ADAM11: variants seen among roughly 807,000 people sequenced by gnomAD.
ADAM11 encodes the protein ADAM metallopeptidase domain 11, also known as disintegrin and metalloproteinase domain-containing protein 11.
A neutral mutation model predicts 119.1 loss-of-function variants in ADAM11; 49 were observed. The observed-to-expected ratio is 0.41, with a 90% CI of 0.33 to 0.52. The LOEUF (loss-of-function observed/expected upper bound fraction) is 0.52. ADAM11 is among the 20% of genes least tolerant of loss of function. The pLI, the probability that ADAM11 is intolerant of heterozygous loss-of-function variation, is 0.20. For missense variants in ADAM11, 777 were observed against 1,047.5 expected, an observed-to-expected ratio of 0.74 and a Z score of 3.56; for synonymous variants, 364 against 408.0, an observed-to-expected ratio of 0.89 and a Z score of 1.30.
At chr17:44,779,390 G>A in intron 26 of ADAM11, 151 bp downstream of exon 26, 1 of 1,454,354 alleles carries the variant, frequency 6.9e-7, no homozygotes, top group Non-Finnish European at 9.0e-7. Flanking sequence ...TGTCCCGGCA[G>A]GGGTGGGAGA....
rs1251685108 is a variant in ADAM11 at position 44,775,444 on chromosome 17, G to A, written c.1371G>A (p.Glu457=). 1.9e-6 allele frequency: 3 copies of A among 1,609,314 alleles called. No homozygotes were observed. The highest frequency in any genetic ancestry group is 2.2e-5 in the South Asian group (2 of 91,016). ...ACGGCTTCGTGGAGGCAGGGGAGGAGTGCGACTGCGGCTCGGTGCAGGTGA... is the reference window on the plus strand; with the variant it reads ...ACGGCTTCGTGGAGGCAGGGGAGGAATGCGACTGCGGCTCGGTGCAGGTGA... ...CGNGFVEAGE[E]CDCGSVQECS... Residue 457 remains glutamate, a synonymous_variant, in exon 16 of 27, where the codon GAG becomes GAA. Coordinates refer to ENST00000200557, the MANE Select transcript of ADAM11 (RefSeq NM_002390.6). The surrounding 1 kb of genome is among the most constrained non-coding windows in gnomAD (Gnocchi z 7.5).
intron 11 of ADAM11, among the ~76,000 whole-genome samples, chr17:44,774,008 T>C (rs1315730335): frequency 6.6e-6 from 1 of 152,066 alleles, no homozygotes; most frequent in Non-Finnish European, 1.5e-5. Context: ...GGAGAATCGT[T>C]TGAACCCAGG....
chr17:44,775,106 T>A lies in ADAM11; in HGVS notation c.1221-106T>A. 1.0e-6 allele frequency: 1 copy of A among 979,566 alleles called. No individual in the cohort carries two copies. The highest frequency in any genetic ancestry group is 1.6e-6 in the Non-Finnish European group (1 of 633,382). 60.7% of individuals were successfully genotyped at this position (979,566 alleles called of 1,614,324 possible). Reference sequence around the variant, plus strand: ...ATCCCGGGGCAGATCCTCCGCCTCCTCGCGATGGTGACGAAGTCCCCCAGT... The same window carrying A: ...ATCCCGGGGCAGATCCTCCGCCTCCACGCGATGGTGACGAAGTCCCCCAGT... On this transcript the variant is annotated intron_variant, in intron 14 of 26. Transcript: ENST00000200557. The surrounding 1 kb of genome is among the most constrained non-coding windows in gnomAD (Gnocchi z 7.5).
rs115115313 is a variant in ADAM11, at chr17:44,775,081, A to G, written c.1221-131A>G. The G allele has an allele frequency of 1.1e-3, 879 of 834,188 alleles. 9 individuals carry two copies. The African/African-American group carries it at 0.013, about 12-fold the overall frequency. The allele number at this position is 834,188 out of a possible 1,614,324, so 51.7% of individuals were successfully genotyped here. On this transcript the variant is annotated intron_variant, in intron 14 of 26. Transcript: ENST00000200557. This position sits in a 1 kb window ranked among gnomAD's most constrained non-coding sequence, Gnocchi z 7.5. ...GGACAGGCGGGAGGATTCTGGTGCA[A>G]TCCCGGGGCAGATCCTCCGCCTCCT...
Position 44,776,041 on chromosome 17 carries a change from G to A in ADAM11, c.1486-86G>A. ...CTGGGGAGCTGGAGGGCCCGGGGAT[G>A]TGGGGGTCCAGAGAGCGAGGGGCCT... On this transcript the variant is annotated intron_variant, in intron 17 of 26. Coordinates refer to ENST00000200557, the MANE Select transcript of ADAM11 (RefSeq NM_002390.6). The surrounding 1 kb of genome is among the most constrained non-coding windows in gnomAD (Gnocchi z 5.2). 1 of 1,496,692 alleles carries A rather than the reference G, an allele frequency of 6.7e-7. No individual in the cohort carries two copies. Among genetic ancestry groups the A allele is most frequent in the East Asian group, 2.3e-5 (1 of 43,946 alleles). 92.7% of individuals were successfully genotyped at this position (1,496,692 alleles called of 1,614,324 possible).
Position 44,776,065 on chromosome 17 carries a change from C to T in ADAM11, c.1486-62C>T, listed in dbSNP as rs1245766550. On this transcript the variant is annotated intron_variant, in intron 17 of 26. Coordinates refer to ENST00000200557, the MANE Select transcript of ADAM11 (RefSeq NM_002390.6). The surrounding 1 kb of genome is among the most constrained non-coding windows in gnomAD (Gnocchi z 5.2). ...TGTGGGGGTCCAGAGAGCGAGGGGC[C>T]TGGGGAGGGCAGGGCCGAGGCATCC... 3 of 1,589,704 alleles carry T rather than the reference C, an allele frequency of 1.9e-6. No individual in the cohort carries two copies. Among genetic ancestry groups the T allele is most frequent in the Non-Finnish European group, 2.6e-6 (3 of 1,161,164 alleles).
At position 44,780,117 on chromosome 17, in the gene ADAM11, C is replaced by G. The variant is rs1210132090; in HGVS notation, c.*363C>G. On this transcript the variant is annotated 3_prime_UTR_variant, in exon 27 of 27. Transcript: ENST00000200557. ...GTGGACCTAGCCTGGATGGCCCCTC[C>G]TTGCAACCAGGCAGCTGAGACCAGG... is the stretch of plus-strand genomic sequence containing the variant. 3.2e-6 allele frequency: 2 copies of G among 620,892 alleles called. No homozygotes were observed. The highest frequency in any genetic ancestry group is 3.0e-6 in the Non-Finnish European group (1 of 331,944). 38.5% of individuals were successfully genotyped at this position (620,892 alleles called of 1,614,324 possible).
chr17:44,765,608 C>CTAT lies in ADAM11; in HGVS notation c.238-4109_238-4108insATT, dbSNP rs2049439006. Among the ~76,000 whole-genome samples the CTAT allele has an allele frequency of 3.5e-5, 3 of 86,784 alleles. 1 individual carries two copies. The South Asian group carries it at 1.1e-3, about 33-fold the overall frequency. 56.9% of individuals were successfully genotyped at this position (86,784 alleles called of 152,430 possible). On this transcript the variant is annotated intron_variant, in intron 2 of 26. Transcript: ENST00000200557. The stretch of plus-strand genomic sequence containing the variant: ...GCAATCCTGGTTTTTCTTTTCTTTT[C>CTAT]TCTTTTTTTTTTTTTTTTTTTTTTT...
At position 44,781,457 on chromosome 17, in the gene ADAM11, A is replaced by G. The variant is rs948789063; in HGVS notation, c.*1703A>G. The G allele has an allele frequency of 2.0e-5, 3 of 152,152 alleles. No individual in the cohort carries two copies. Among genetic ancestry groups the G allele is most frequent in the Admixed American group, 6.5e-5 (1 of 15,286 alleles). 9.4% of individuals were successfully genotyped at this position (152,152 alleles called of 1,614,324 possible). ...CGGGGGAAGGGCTGGGTGTTGCACT[A>G]TTGCTGCGCTGCCTTAAGGCATCTG... On this transcript the variant is annotated 3_prime_UTR_variant, in exon 27 of 27. Transcript: ENST00000200557.
chr17:44,770,114 G>A, intron 4 of ADAM11, 66 bp downstream of exon 4: 1 of 1,575,820 alleles, frequency 6.3e-7, no homozygotes. Context: ...TGGTTCTGTG[G>A]TCACAGGTGT....
At chr17:44,774,615 C>A (rs1445520549) in intron 13 of ADAM11, 33 bp downstream of exon 13, 5 of 1,605,512 alleles carry the variant, frequency 3.1e-6, no homozygotes, top group African/African-American at 1.3e-5. Flanking sequence ...GTGTGGCCCA[C>A]GCCCAGCAGC....
chr17:44,773,074 C>A lies in ADAM11; in HGVS notation c.814C>A (p.Leu272Met). Reference sequence around the variant, plus strand: ...CAACTTTGCCAAGTCCGTGGTGAACCTGGCCGATGTGGTAAGCAGCTCTCC... The same window carrying A: ...CAACTTTGCCAAGTCCGTGGTGAACATGGCCGATGTGGTAAGCAGCTCTCC... ...TSNFAKSVVN[L>M]ADVIYKEQLN... The change falls in exon 10 of 27, where the codon CTG becomes ATG. Residue 272 changes from leucine (L) to methionine (M), a missense_variant. Physicochemically the swap from Leu to Met is conservative, Grantham distance 15. This residue lies in a region of ADAM11 where 147 missense variants were observed against 223.3 expected (regional missense o/e 0.66). Coordinates refer to ENST00000200557, the MANE Select transcript of ADAM11 (RefSeq NM_002390.6). This position sits in a 1 kb window ranked among gnomAD's most constrained non-coding sequence, Gnocchi z 4.6. 1 of 1,613,824 alleles carries A rather than the reference C, an allele frequency of 6.2e-7. No homozygotes were observed. Among genetic ancestry groups the A allele is most frequent in the Non-Finnish European group, 8.5e-7 (1 of 1,179,916 alleles).
intron 2 of ADAM11, among the ~76,000 whole-genome samples, chr17:44,761,026 G>A (rs2145202064): frequency 6.6e-6 from 1 of 151,708 alleles, no homozygotes; most frequent in East Asian, 1.9e-4. Context: ...GCAGTCACTG[G>A]GGGTGGGGTG....
At position 44,773,554 on chromosome 17, in the gene ADAM11, C is replaced by A; in HGVS notation, c.992+127C>A. ...GGGGACTGGGCTCACCTTGCACCTG[C>A]CACCTACCCCCAGCCACATGCAACA... On this transcript the variant is annotated intron_variant, in intron 11 of 26. Transcript: ENST00000200557. This position sits in a 1 kb window ranked among gnomAD's most constrained non-coding sequence, Gnocchi z 4.6. The A allele has an allele frequency of 8.8e-7, 1 of 1,133,182 alleles. No homozygotes were observed. The highest frequency in any genetic ancestry group is 1.2e-6 in the Non-Finnish European group (1 of 817,188). The allele number at this position is 1,133,182 out of a possible 1,614,324, so 70.2% of individuals were successfully genotyped here.
chr17:44,772,540 C>A lies in ADAM11; in HGVS notation c.678+74C>A. On this transcript the variant is annotated intron_variant, in intron 8 of 26. Coordinates refer to ENST00000200557, the MANE Select transcript of ADAM11 (RefSeq NM_002390.6). This position sits in a 1 kb window ranked among gnomAD's most constrained non-coding sequence, Gnocchi z 4.5. ...AGAGACCTCAGGCCGTGGCCCAGAG[C>A]AGGAGGGCACCCTCATCTATGGCTG... 6.7e-7 allele frequency: 1 copy of A among 1,498,558 alleles called. No homozygotes were observed. Among genetic ancestry groups the A allele is most frequent in the Non-Finnish European group, 9.0e-7 (1 of 1,108,016 alleles). 92.8% of individuals were successfully genotyped at this position (1,498,558 alleles called of 1,614,324 possible). A position where few individuals can be genotyped will look rare whatever the true frequency, so the allele number is the denominator to read the frequency against.
chr17:44,759,597 C>A, intron 1 of ADAM11, 125 bp from the exon 2 acceptor site: 2 of 1,302,616 alleles, frequency 1.5e-6, no homozygotes, highest in Non-Finnish European at 9.8e-7. Flanking sequence ...CCAGATCCTC[C>A]CACCCGGATC....
intron 4 of ADAM11, 77 bp downstream of exon 4, chr17:44,770,125 A>G: frequency 6.5e-7 from 1 of 1,540,598 alleles, no homozygotes. Flanking sequence ...TCACAGGTGT[A>G]GGGACAGGTG....
At chr17:44,759,333 A>C in intron 1 of ADAM11, 73 bp downstream of exon 1, 52 of 1,325,238 alleles carry the variant, frequency 3.9e-5, no homozygotes, top group Non-Finnish European at 4.9e-5. Context: ...TTGCTGCTGC[A>C]GCCACCTTTT....
At chr17:44,770,171 G>A (rs2049502464) in intron 4 of ADAM11, 123 bp downstream of exon 4, 3 of 1,189,320 alleles carry the variant, frequency 2.5e-6, no homozygotes, top group African/African-American at 3.0e-5. Flanking sequence ...TGGCCCCTCA[G>A]CACCTTCCCT....
Sources: allele counts gnomAD v4.1 joint callset (sites outside exome capture counted in the v4.1 genomes callset), GRCh38; gene constraint gnomAD v4.1.1; regional missense constraint gnomAD v4.1.1; non-coding constraint Gnocchi (gnomAD v3.1); transcripts MANE v1.5; gene names NCBI Gene and HGNC (gene_info 2026-07-23, HGNC 2026-07-21).